BBX: variants seen among roughly 807,000 people sequenced by gnomAD.
The protein encoded by BBX is BBX high mobility group box domain containing, also known as HMG box transcription factor BBX.
A neutral mutation model predicts 100.2 loss-of-function variants in BBX; 30 were observed. The ratio of observed to expected loss-of-function variants is 0.30; its 90% CI spans 0.22 to 0.41. BBX has a LOEUF of 0.41. BBX is among the 10% of genes least tolerant of loss of function. The pLI is 1.00. For missense variants in BBX, 1,023 were observed against 1,129.8 expected, an observed-to-expected ratio of 0.91 and a Z score of 1.35; for synonymous variants, 376 against 388.1, an observed-to-expected ratio of 0.97 and a Z score of 0.37.
At chr3:107,586,205 T>G (rs983172068) in intron 2 of BBX, among the ~76,000 whole-genome samples, 7 of 152,184 alleles carry the variant, frequency 4.6e-5, no homozygotes, top group African/African-American at 1.7e-4. Context: ...ATTTATATAT[T>G]ATTAACTAAC....
intron 2 of BBX, among the ~76,000 whole-genome samples, chr3:107,619,774 G>A (rs888200354): frequency 6.6e-6 from 1 of 152,020 alleles, no homozygotes; most frequent in African/African-American, 2.4e-5. Context: ...CATTCCTTCT[G>A]ACCTCTGTGG....
chr3:107,664,578 C>T (rs2058644373), intron 3 of BBX, among the ~76,000 whole-genome samples: 1 of 152,020 alleles, frequency 6.6e-6, no homozygotes, highest in Admixed American at 6.6e-5. Context: ...TTTTGTTTCC[C>T]AATTGTCACT....
chr3:107,730,596 A>G (rs2063254048), intron 6 of BBX, among the ~76,000 whole-genome samples: 1 of 151,840 alleles, frequency 6.6e-6, no homozygotes, highest in African/African-American at 2.4e-5. Context: ...ACCGTTTCTG[A>G]CACTTTATTA....
chr3:107,611,735 G>A lies in BBX; in HGVS notation c.-83-34101G>A, dbSNP rs545776033. Among the ~76,000 whole-genome samples, 184 of 152,074 alleles carry A rather than the reference G, an allele frequency of 1.2e-3. 1 individual carries two copies. The highest frequency in any genetic ancestry group is 2.1e-3 in the Non-Finnish European group (146 of 67,976). ...AGTCTTTTTTGGTTAAATCTGCTTG[G>A]TGTTATGTAACTTTCTTGTACTTGG... On this transcript the variant is annotated intron_variant, in intron 2 of 17. Coordinates refer to ENST00000325805, the MANE Select transcript of BBX (RefSeq NM_001142568.3).
chr3:107,755,702 G>C, intron 10 of BBX, 24 bp downstream of exon 10: 1 of 1,578,882 alleles, frequency 6.3e-7, no homozygotes, highest in Admixed American at 1.7e-5. Context: ...AATATATTGA[G>C]ATAAGATCTG....
intron 13 of BBX, among the ~76,000 whole-genome samples, chr3:107,784,515 C>T (rs145940371): frequency 1.2e-4 from 18 of 151,920 alleles, no homozygotes; most frequent in East Asian, 7.7e-4. Context: ...ATTGGAGAAA[C>T]TCACGAATAT....
intron 4 of BBX, among the ~76,000 whole-genome samples, chr3:107,712,471 A>G (rs1265743499): frequency 2.0e-5 from 3 of 151,984 alleles, no homozygotes; most frequent in Non-Finnish European, 2.9e-5. Flanking sequence ...CAACATTCCC[A>G]TTTGTCCGAC....
chr3:107,591,750 G>GT (rs2053331693), intron 2 of BBX, among the ~76,000 whole-genome samples: 1 of 152,160 alleles, frequency 6.6e-6, no homozygotes, highest in Non-Finnish European at 1.5e-5. Flanking sequence ...GGCCTCCCAA[G>GT]TGCTGGTATT....
chr3:107,704,736 C>T (rs569061848), intron 3 of BBX, among the ~76,000 whole-genome samples: 4 of 152,314 alleles, frequency 2.6e-5, no homozygotes, highest in African/African-American at 4.8e-5. Context: ...TACTTCCCAA[C>T]ACTGTTACTC....
At chr3:107,724,703 A>G (rs2107466570) in intron 5 of BBX, among the ~76,000 whole-genome samples, 1 of 152,292 alleles carries the variant, frequency 6.6e-6, no homozygotes, top group African/African-American at 2.4e-5. Flanking sequence ...GGTTTGTCAA[A>G]GATCAGATAG....
intron 3 of BBX, among the ~76,000 whole-genome samples, chr3:107,696,932 C>T (rs1039115067): frequency 1.3e-5 from 2 of 151,716 alleles, no homozygotes; most frequent in Admixed American, 6.6e-5. Flanking sequence ...TCCCTTCTTG[C>T]TTCATTTCAT....
At chr3:107,732,272 T>C (rs1486089104) in intron 6 of BBX, among the ~76,000 whole-genome samples, 1 of 152,214 alleles carries the variant, frequency 6.6e-6, no homozygotes, top group East Asian at 1.9e-4. Flanking sequence ...TTTGCTGTTT[T>C]TATTTTCTCT....
chr3:107,580,540 T>C (rs1206379380), intron 2 of BBX, among the ~76,000 whole-genome samples: 1 of 152,196 alleles, frequency 6.6e-6, no homozygotes, highest in Non-Finnish European at 1.5e-5. Flanking sequence ...AGTTTAATCT[T>C]AATATTTAAA....
At chr3:107,615,836 C>G (rs58043479) in intron 2 of BBX, among the ~76,000 whole-genome samples, 1 of 152,076 alleles carries the variant, frequency 6.6e-6, no homozygotes, top group East Asian at 1.9e-4. Context: ...ACAAATTTGG[C>G]AATCATTGGC....
rs771796024 is a variant in BBX, at chr3:107,755,647, G to A, written c.875G>A (p.Cys292Tyr). Residue 292 changes from cysteine (C) to tyrosine (Y), a missense_variant, in exon 10 of 18, where the codon TGT becomes TAT. Cys to Tyr is a radical substitution (Grantham distance 194). Coordinates refer to ENST00000325805, the MANE Select transcript of BBX (RefSeq NM_001142568.3). The stretch of plus-strand genomic sequence containing the variant: ...GGTGGTGCTGAGCCTGTAAAACGCT[G>A]TGGAAAGTCTGCACTCTTTCAACTG... ...QLGGAEPVKRCGKSALFQLAE... is the reference protein window; with the variant it reads ...QLGGAEPVKRYGKSALFQLAE... 3.1e-6 allele frequency: 5 copies of A among 1,613,886 alleles called. No individual in the cohort carries two copies. The Admixed American group carries it at 8.3e-5, about 27-fold the overall frequency.
At chr3:107,796,019 CT>C (rs1264159060) in intron 15 of BBX, among the ~76,000 whole-genome samples, 1 of 152,166 alleles carries the variant, frequency 6.6e-6, no homozygotes, top group African/African-American at 2.4e-5. Context: ...GTTGTTGCCC[CT>C]GGCCAGATCT....
At chr3:107,782,131 C>T (rs923191815) in intron 13 of BBX, among the ~76,000 whole-genome samples, 9 of 152,084 alleles carry the variant, frequency 5.9e-5, no homozygotes, top group Non-Finnish European at 1.0e-4. Context: ...AGGTATAAAA[C>T]GTATACCTGA....
At chr3:107,584,972 C>T (rs570733516) in intron 2 of BBX, among the ~76,000 whole-genome samples, 5 of 151,992 alleles carry the variant, frequency 3.3e-5, no homozygotes, top group African/African-American at 4.8e-5. Context: ...CCACCACCCC[C>T]GGCCTCAGTT....
At chr3:107,664,204 T>A (rs922516655) in intron 3 of BBX, among the ~76,000 whole-genome samples, 1 of 152,200 alleles carries the variant, frequency 6.6e-6, no homozygotes, top group Non-Finnish European at 1.5e-5. Flanking sequence ...TATGTACATA[T>A]TACTTCTTCA....
Sources: gnomAD v4.1 joint callset for allele counts (sites outside exome capture counted in the v4.1 genomes callset) on GRCh38, gnomAD v4.1.1 for gene constraint, MANE v1.5 for transcripts, NCBI Gene and HGNC (gene_info 2026-07-23, HGNC 2026-07-21) for gene names.